PLD5: variants seen among roughly 807,000 people sequenced by gnomAD.
The protein encoded by PLD5 is inactive phospholipase D5.
PLD5 carries 36 observed loss-of-function variants against 61.1 expected under a neutral mutation model. That is an observed-to-expected ratio of 0.59 (90% CI 0.45 to 0.78). The LOEUF (loss-of-function observed/expected upper bound fraction) is 0.78. Among genes scored for constraint, PLD5 ranks in the 30% least tolerant of loss-of-function variants. The pLI, the probability that PLD5 is intolerant of heterozygous loss-of-function variation, is 0.00. For missense variants in PLD5, 515 were observed against 644.4 expected, an observed-to-expected ratio of 0.80 and a Z score of 2.17; for synonymous variants, 243 against 242.8, an observed-to-expected ratio of 1.00 and a Z score of -0.01.
At chr1:242,382,242 G>T (rs1370582885) in intron 1 of PLD5, among the ~76,000 whole-genome samples, 1 of 152,026 alleles carries the variant, frequency 6.6e-6, no homozygotes, top group Non-Finnish European at 1.5e-5. Flanking sequence ...TATCCAATGG[G>T]CCATGCCAAG....
chr1:242,256,300 AAGAT>A lies in PLD5; in HGVS notation c.607+9033_607+9036del, dbSNP rs1673010470. ...ACAGAAAGGAAACAATATGGATAAA[AAGAT>A]AGGGAAATCTAGAAATTTAATTTTA... On this transcript the variant is annotated intron_variant, in intron 4 of 9. Transcript: ENST00000536534. This position sits in a 1 kb window ranked among gnomAD's most constrained non-coding sequence, Gnocchi z 5.7. Among the ~76,000 whole-genome samples the A allele has an allele frequency of 6.6e-6, 1 of 152,204 alleles. No individual in the cohort carries two copies. The highest frequency in any genetic ancestry group is 2.1e-4 in the South Asian group (1 of 4,822).
At chr1:242,421,000 T>C (rs1665106495) in intron 1 of PLD5, among the ~76,000 whole-genome samples, 1 of 151,842 alleles carries the variant, frequency 6.6e-6, no homozygotes, top group Non-Finnish European at 1.5e-5. Context: ...ACCAACATGG[T>C]GAAACCCCGT....
chr1:242,515,627 T>C (rs544651536), intron 1 of PLD5, among the ~76,000 whole-genome samples: 32 of 152,362 alleles, frequency 2.1e-4, no homozygotes, highest in South Asian at 8.3e-4. Context: ...GCAATAGATA[T>C]ATATAAAATC....
intron 1 of PLD5, among the ~76,000 whole-genome samples, chr1:242,410,447 A>G (rs12063701): frequency 0.43 from 65,836 of 151,940 alleles, 15,545 homozygotes; most frequent in African/African-American, 0.63. Context: ...ACTGCTTTGA[A>G]CTTACTCCTT....
chr1:242,326,075 T>A (rs993055791), intron 2 of PLD5, among the ~76,000 whole-genome samples: 1 of 151,988 alleles, frequency 6.6e-6, no homozygotes, highest in Non-Finnish European at 1.5e-5. Flanking sequence ...CAGGGTCTCA[T>A]TATGTTGTCC....
At chr1:242,515,030 C>T (rs900336926) in intron 1 of PLD5, among the ~76,000 whole-genome samples, 8 of 152,146 alleles carry the variant, frequency 5.3e-5, no homozygotes, top group African/African-American at 1.9e-4. Flanking sequence ...CATAAAGATG[C>T]AAATCTTCTG....
At chr1:242,170,419 A>G (rs1666662865) in intron 5 of PLD5, among the ~76,000 whole-genome samples, 1 of 152,164 alleles carries the variant, frequency 6.6e-6, no homozygotes, top group South Asian at 2.1e-4. Context: ...ACCAACAAAA[A>G]CCAAAGGTAG....
At chr1:242,199,647 C>T (rs534748217) in intron 5 of PLD5, among the ~76,000 whole-genome samples, 1 of 152,246 alleles carries the variant, frequency 6.6e-6, no homozygotes, top group African/African-American at 2.4e-5. Flanking sequence ...AATGTACCCA[C>T]CAAACAACTA....
In PLD5 at chr1:242,392,829, G is replaced by A. The variant is rs531788122; in HGVS notation, c.190-44587C>T. Among the ~76,000 whole-genome samples the A allele has an allele frequency of 3.5e-4, 53 of 152,206 alleles. 1 individual carries two copies. The highest frequency in any genetic ancestry group is 1.3e-3 in the African/African-American group (52 of 41,498). On this transcript the variant is annotated intron_variant, in intron 1 of 9. Transcript: ENST00000536534. The stretch of plus-strand genomic sequence containing the variant: ...AGAAAGTTTGAAAACAGGAGCATTT[G>A]GTACATTTTGCTTCCATTATCTCCA...
chr1:242,197,563 G>T (rs1049191919), intron 5 of PLD5, among the ~76,000 whole-genome samples: 10 of 151,548 alleles, frequency 6.6e-5, no homozygotes, highest in Non-Finnish European at 1.2e-4. Flanking sequence ...AATCCTTCCA[G>T]CTTCAGCTCA....
chr1:242,352,502 C>CA (rs1390547047), intron 1 of PLD5, among the ~76,000 whole-genome samples: 1 of 152,162 alleles, frequency 6.6e-6, no homozygotes, highest in African/African-American at 2.4e-5. Context: ...AAGAGTGGTG[C>CA]AATAAACATG....
In PLD5 at chr1:242,524,186, G is replaced by C; in HGVS notation, c.91C>G (p.Pro31Ala). 1 of 1,534,674 alleles carries C rather than the reference G, an allele frequency of 6.5e-7. No homozygotes were observed. Among genetic ancestry groups the C allele is most frequent in the Non-Finnish European group, 8.7e-7 (1 of 1,146,198 alleles). The change falls in exon 1 of 10, where the codon CCA (proline) becomes GCA (alanine). Residue 31 changes from proline (P) to alanine (A), a missense_variant. Physicochemically the swap from Pro to Ala is conservative, Grantham distance 27. Transcript: ENST00000536534. The stretch of plus-strand genomic sequence containing the variant: ...TTCGCGCCCACTCGGGTCAGGCTTG[G>C]GGAGGGCTCCTTGGGGCGGCTTTTG... Reference protein sequence around the residue: ...RLKSRPKEPSPSLTRVGANFY... With the variant: ...RLKSRPKEPSASLTRVGANFY...
At chr1:242,232,123 T>C (rs1671347713) in intron 4 of PLD5, among the ~76,000 whole-genome samples, 1 of 152,102 alleles carries the variant, frequency 6.6e-6, no homozygotes. Flanking sequence ...TTTAAAATTT[T>C]AAAGCCCACC....
At chr1:242,111,685 C>T (rs1358367781) in intron 7 of PLD5, among the ~76,000 whole-genome samples, 1 of 152,098 alleles carries the variant, frequency 6.6e-6, no homozygotes, top group Non-Finnish European at 1.5e-5. Flanking sequence ...AGTAACCAGT[C>T]TGAATTTATA....
At chr1:242,162,734 T>C (rs1380963599) in intron 5 of PLD5, among the ~76,000 whole-genome samples, 5 of 152,174 alleles carry the variant, frequency 3.3e-5, no homozygotes, top group African/African-American at 9.7e-5. Flanking sequence ...AGTTTTTCCC[T>C]GGCTCAGTTA....
intron 4 of PLD5, among the ~76,000 whole-genome samples, chr1:242,261,102 A>C (rs1673349774): frequency 6.6e-6 from 1 of 152,250 alleles, no homozygotes; most frequent in South Asian, 2.1e-4. Flanking sequence ...GTGAAAAACA[A>C]AGATGAAAGT....
Position 242,344,323 on chromosome 1 carries a change from T to C in PLD5, c.326+3783A>G, listed in dbSNP as rs533947179. On this transcript the variant is annotated intron_variant, in intron 2 of 9. Transcript: ENST00000536534. ...AGCCTTCTTTCTTCCACTGTGAAGC[T>C]TTCCCATTTCTCTGTCTGCCTTTGA... 1.2e-3 allele frequency among the ~76,000 whole-genome samples: 179 copies of C among 152,270 alleles called. 2 individuals carry two copies. Among genetic ancestry groups the C allele is most frequent in the African/African-American group, 4.1e-3 (171 of 41,576 alleles).
At chr1:242,306,525 G>A (rs1369866701) in intron 2 of PLD5, among the ~76,000 whole-genome samples, 1 of 133,332 alleles carries the variant, frequency 7.5e-6, no homozygotes, top group Admixed American at 8.2e-5. Context: ...AAGAAATGGT[G>A]GTCTCTAACC....
intron 2 of PLD5, among the ~76,000 whole-genome samples, chr1:242,308,977 G>A (rs564506224): frequency 3.9e-5 from 6 of 152,236 alleles, no homozygotes; most frequent in Admixed American, 3.9e-4. Context: ...ACGTAAGGGG[G>A]AGAAAGTGGA....
Sources: allele counts gnomAD v4.1 joint callset (sites outside exome capture counted in the v4.1 genomes callset), GRCh38; gene constraint gnomAD v4.1.1; non-coding constraint Gnocchi (gnomAD v3.1); transcripts MANE v1.5; gene names NCBI Gene and HGNC (gene_info 2026-07-23, HGNC 2026-07-21).